RBMS2: variants seen among roughly 807,000 people sequenced by gnomAD.
RBMS2 encodes the protein RNA binding motif single stranded interacting protein 2, also known as RNA-binding motif, single-stranded-interacting protein 2.
Under a neutral mutation model 58.4 loss-of-function variants are expected in RBMS2, and 38 were observed. That is an observed-to-expected ratio of 0.65 (90% CI 0.50 to 0.85). The LOEUF is 0.85. RBMS2 is among the 40% of genes least tolerant of loss of function. The pLI is 0.00. For missense variants in RBMS2, 367 were observed against 503.7 expected (o/e 0.73, Z 2.60); for synonymous variants, 151 against 180.7 (o/e 0.84, Z 1.32).
chr12:56,551,173 A>G (rs1024819737), intron 1 of RBMS2, among the ~76,000 whole-genome samples: 1 of 152,194 alleles, frequency 6.6e-6, no homozygotes, highest in East Asian at 1.9e-4. Context: ...ACATCCATCA[A>G]TTTGCTTCAC....
At chr12:56,563,503 T>G (rs1880807104) in intron 2 of RBMS2, among the ~76,000 whole-genome samples, 1 of 152,196 alleles carries the variant, frequency 6.6e-6, no homozygotes, top group Non-Finnish European at 1.5e-5. Flanking sequence ...ATCTACCCCA[T>G]GAAGACCCTT....
chr12:56,535,953 T>C (rs1327780493), intron 1 of RBMS2, among the ~76,000 whole-genome samples: 1 of 152,016 alleles, frequency 6.6e-6, no homozygotes, highest in African/African-American at 2.4e-5. Context: ...TCCTAGCACT[T>C]TGGGAGGCCA....
At position 56,584,431 on chromosome 12, in the gene RBMS2, C is replaced by CA. The variant is rs1209646153; in HGVS notation, c.873+2296dup. On this transcript the variant is annotated intron_variant, in intron 9 of 13. Coordinates refer to ENST00000262031, the MANE Select transcript of RBMS2 (RefSeq NM_002898.4). ...TGTGCAACAGAGCAAGACCATGTCT[C>CA]AAAAAAAAAAAAAAAAAGTTTAAAA... 7.0e-3 allele frequency among the ~76,000 whole-genome samples: 611 copies of CA among 87,448 alleles called. 1 individual carries two copies. Among genetic ancestry groups the CA allele is most frequent in the African/African-American group, 0.015 (349 of 22,994 alleles). 57.4% of individuals were successfully genotyped at this position (87,448 alleles called of 152,430 possible). A position where few individuals can be genotyped will look rare whatever the true frequency, so the allele number is the denominator to read the frequency against.
chr12:56,593,640 G>C lies in RBMS2; in HGVS notation c.*4507G>C, dbSNP rs1456139279. ...TGGCTCACTGAAACCTCCATCTCCT[G>C]GGTTCAAGCAGTTCTCCTGCCTCAG... On this transcript the variant is annotated 3_prime_UTR_variant, in exon 14 of 14. Coordinates refer to ENST00000262031, the MANE Select transcript of RBMS2 (RefSeq NM_002898.4). The C allele has an allele frequency of 6.6e-6, 1 of 152,146 alleles. No individual in the cohort carries two copies. The highest frequency in any genetic ancestry group is 1.5e-5 in the Non-Finnish European group (1 of 68,106). The allele number at this position is 152,146 out of a possible 1,614,324, so 9.4% of individuals were successfully genotyped here.
chr12:56,525,384 G>C (rs956410311), intron 1 of RBMS2, among the ~76,000 whole-genome samples: 1 of 151,620 alleles, frequency 6.6e-6, no homozygotes, highest in African/African-American at 2.4e-5. Flanking sequence ...ACCAGGCCCA[G>C]CTAAATTTTC....
chr12:56,535,145 C>G (rs1874528196), intron 1 of RBMS2, among the ~76,000 whole-genome samples: 1 of 152,058 alleles, frequency 6.6e-6, no homozygotes, highest in African/African-American at 2.4e-5. Flanking sequence ...CCTTGGAGTA[C>G]CCCAGGACTC....
intron 1 of RBMS2, among the ~76,000 whole-genome samples, chr12:56,537,503 T>C (rs1875135304): frequency 6.6e-6 from 1 of 152,230 alleles, no homozygotes. Flanking sequence ...ACCTATGTTG[T>C]AGCTTGTGTC....
At chr12:56,521,597 G>C (rs1251066554), upstream of RBMS2, among the ~76,000 whole-genome samples, 1 of 148,104 alleles carries the variant, frequency 6.8e-6, no homozygotes, top group Non-Finnish European at 1.5e-5. Flanking sequence ...AGATCTAAGG[G>C]TGGAAATAAA....
chr12:56,582,430 CAT>C, intron 9 of RBMS2, among the ~76,000 whole-genome samples: 1 of 152,238 alleles, frequency 6.6e-6, no homozygotes, highest in African/African-American at 2.4e-5. Flanking sequence ...TATGAATACA[CAT>C]ATGTATAGCA....
chr12:56,533,187 A>G (rs933237590), intron 1 of RBMS2, among the ~76,000 whole-genome samples: 8 of 151,848 alleles, frequency 5.3e-5, no homozygotes, highest in African/African-American at 1.7e-4. Context: ...TGCAGCCTGG[A>G]ACTCCTGGGC....
At chr12:56,544,636 G>A (rs1345416770) in intron 1 of RBMS2, among the ~76,000 whole-genome samples, 4 of 152,084 alleles carry the variant, frequency 2.6e-5, no homozygotes, top group Non-Finnish European at 5.9e-5. Flanking sequence ...TTGCCATGCT[G>A]TAGTGCAGTA....
At chr12:56,532,400 G>A (rs887739056) in intron 1 of RBMS2, among the ~76,000 whole-genome samples, 1 of 151,852 alleles carries the variant, frequency 6.6e-6, no homozygotes, top group Non-Finnish European at 1.5e-5. Context: ...AAATTAGCCA[G>A]GCATGGTGGC....
chr12:56,581,278 G>T lies in RBMS2; in HGVS notation c.622+15G>T. On this transcript the variant is annotated intron_variant, in intron 6 of 13. Transcript: ENST00000262031. Reference sequence around the variant, plus strand: ...TGGAGTACCAGGTGAGGCATCTGGGGCTCAGGCTGAGAGGGCCACAGGTTG... The same window carrying T: ...TGGAGTACCAGGTGAGGCATCTGGGTCTCAGGCTGAGAGGGCCACAGGTTG... The T allele has an allele frequency of 6.3e-7, 1 of 1,592,288 alleles. No homozygotes were observed. The highest frequency in any genetic ancestry group is 2.2e-5 in the East Asian group (1 of 44,762).
chr12:56,536,999 C>A (rs1217833441), intron 1 of RBMS2, among the ~76,000 whole-genome samples: 1 of 151,128 alleles, frequency 6.6e-6, no homozygotes, highest in Non-Finnish European at 1.5e-5. Context: ...TGGCTCACTG[C>A]AACCTCCGCC....
chr12:56,522,498 C>G (rs1266470524), intron 1 of RBMS2, among the ~76,000 whole-genome samples: 1 of 152,140 alleles, frequency 6.6e-6, no homozygotes, highest in Non-Finnish European at 1.5e-5. Flanking sequence ...CCCCAACCTT[C>G]CCTCCTACCC....
chr12:56,521,738 A>T (rs564900965), upstream of RBMS2, among the ~76,000 whole-genome samples: 1 of 152,036 alleles, frequency 6.6e-6, no homozygotes, highest in South Asian at 2.1e-4. Flanking sequence ...AACAAAAAAA[A>T]ACATCTTGGG....
At chr12:56,564,297 T>TG (rs1491216856) in intron 2 of RBMS2, among the ~76,000 whole-genome samples, 6 of 152,136 alleles carry the variant, frequency 3.9e-5, no homozygotes, top group South Asian at 2.1e-4. Flanking sequence ...CCTCAGTATC[T>TG]GGGGGGGATT....
At chr12:56,570,418 G>C (rs1245962419) in intron 4 of RBMS2, among the ~76,000 whole-genome samples, 1 of 152,146 alleles carries the variant, frequency 6.6e-6, no homozygotes, top group Non-Finnish European at 1.5e-5. Context: ...GCTGGGTAGT[G>C]GGCTGGGGAG....
intron 1 of RBMS2, among the ~76,000 whole-genome samples, chr12:56,558,927 C>G (rs1879831111): frequency 1.3e-5 from 2 of 151,970 alleles, no homozygotes; most frequent in Admixed American, 6.6e-5. Flanking sequence ...GTTAGGGTCT[C>G]ACTATGTTGC....
Sources: gnomAD v4.1 joint callset for allele counts (sites outside exome capture counted in the v4.1 genomes callset) on GRCh38, gnomAD v4.1.1 for gene constraint, MANE v1.5 for transcripts, NCBI Gene and HGNC (gene_info 2026-07-23, HGNC 2026-07-21) for gene names.